Variants in CENPF observed in about 807,000 individuals in gnomAD.
The protein encoded by CENPF is centromere protein F, also known as AH antigen.
CENPF carries 214 observed loss-of-function variants against 307.3 expected under a neutral mutation model. The observed-to-expected ratio is 0.70, with a 90% CI of 0.62 to 0.78. The LOEUF (loss-of-function observed/expected upper bound fraction) is 0.78, where lower values mean the gene tolerates loss of function less well. Ranked by LOEUF, CENPF falls within the 30% of genes least tolerant of loss-of-function variation. CENPF has a pLI of 0.00. For synonymous variants in CENPF, 1,259 were observed against 1,270.6 expected (o/e 0.99, Z 0.19); for missense variants, 3,401 against 3,483.9 (o/e 0.98, Z 0.60).
At chr1:214,627,319 A>G (rs996229997) in intron 7 of CENPF, among the ~76,000 whole-genome samples, 3 of 150,958 alleles carry the variant, frequency 2.0e-5, no homozygotes, top group Admixed American at 2.0e-4. Context: ...TCAGTCTCCC[A>G]AAGTGCTGGG....
At chr1:214,629,208 G>A in intron 8 of CENPF, 37 bp downstream of exon 8, 2 of 1,522,046 alleles carry the variant, frequency 1.3e-6, no homozygotes, top group Non-Finnish European at 1.8e-6. Context: ...TTGTCTGAAA[G>A]GCTTTTTATG....
At position 214,652,234 on chromosome 1, in the gene CENPF, A is replaced by G. The variant is rs563738064; in HGVS notation, c.8160+348A>G. On this transcript the variant is annotated intron_variant, in intron 15 of 19. Transcript: ENST00000366955. ...GTATTTTTAGTAGTGATGGGGTTTC[A>G]CTGTGTTAGCCAGGATGGTCTCGAT... Among the ~76,000 whole-genome samples the G allele has an allele frequency of 7.2e-4, 108 of 150,080 alleles. 3 individuals are homozygous for G. The East Asian group carries it at 0.019, about 26-fold the overall frequency.
chr1:214,646,871 A>G lies in CENPF; in HGVS notation c.7301A>G (p.Glu2434Gly), dbSNP rs1658320440. 3 of 1,613,772 alleles carry G rather than the reference A, an allele frequency of 1.9e-6. No homozygotes were observed. Among genetic ancestry groups the G allele is most frequent in the Non-Finnish European group, 2.5e-6 (3 of 1,179,912 alleles). The change falls in exon 13 of 20, where the codon GAA becomes GGA. Residue 2434 changes from glutamate (E) to glycine (G), a missense_variant. Coordinates refer to ENST00000366955, the MANE Select transcript of CENPF (RefSeq NM_016343.4). ...GAGCAAGAGAAAGTACAGATGAAAG[A>G]AAAATCAAGCACTGCCATGGAGATG... Reference protein sequence around the residue: ...EKEQEKVQMKEKSSTAMEMLQ... With the variant: ...EKEQEKVQMKGKSSTAMEMLQ...
rs1658199495 is a variant in CENPF at position 214,643,663 on chromosome 1, ATAAT to A, written c.4986+343_4986+346del. 2.6e-5 allele frequency among the ~76,000 whole-genome samples: 4 copies of A among 151,930 alleles called. No individual in the cohort carries two copies. The South Asian group carries it at 6.3e-4, about 24-fold the overall frequency. On this transcript the variant is annotated intron_variant, in intron 12 of 19. Coordinates refer to ENST00000366955, the MANE Select transcript of CENPF (RefSeq NM_016343.4). ...TTGTGCATTAATAAAGTATACTGAAATAATTAAGAACTTACAAATGGTAATATGT... is the reference window on the plus strand; with the variant it reads ...TTGTGCATTAATAAAGTATACTGAAATAAGAACTTACAAATGGTAATATGT...
At chr1:214,662,252 TAAA>T (rs1165865286) in intron 19 of CENPF, among the ~76,000 whole-genome samples, 2 of 142,262 alleles carry the variant, frequency 1.4e-5, no homozygotes. Context: ...TATTTCTCTT[TAAA>T]AAAAAAAAAA....
In CENPF at chr1:214,657,296, C is replaced by T; in HGVS notation, c.8849C>T (p.Pro2950Leu). ...GGTAGAGGACCAACACCTGCTACCC[C>T]AGAGAGCTTTTCTAAAAAAAGCAAG... ...ENGRGPTPATPESFSKKSKKA... is the reference protein window; with the variant it reads ...ENGRGPTPATLESFSKKSKKA... Residue 2950 changes from proline to leucine, a missense_variant, in exon 18 of 20, where the codon CCA (proline) becomes CTA (leucine). Pro to Leu is a moderately conservative substitution (Grantham distance 98). Transcript: ENST00000366955. 5.0e-6 allele frequency: 8 copies of T among 1,614,084 alleles called. No homozygotes were observed. The highest frequency in any genetic ancestry group is 5.9e-6 in the Non-Finnish European group (7 of 1,180,008).
chr1:214,651,922 G>C, intron 15 of CENPF, 36 bp downstream of exon 15: 1 of 1,537,302 alleles, frequency 6.5e-7, no homozygotes, highest in Non-Finnish European at 8.7e-7. Flanking sequence ...GGGAGCTGGA[G>C]AGTGTATTTT....
At chr1:214,610,805 T>A (rs1657177245) in intron 1 of CENPF, among the ~76,000 whole-genome samples, 1 of 152,356 alleles carries the variant, frequency 6.6e-6, no homozygotes, top group South Asian at 2.1e-4. Flanking sequence ...TCTGTGGTTT[T>A]TATAGTTTGG....
rs141461799 is a variant in CENPF at position 214,644,378 on chromosome 1, C to T, written c.4987-179C>T. The stretch of plus-strand genomic sequence containing the variant: ...TTGCCCATAGGGGCCACTTACTGAA[C>T]GTATAAGTATGTTGAACATTTGAAT... On this transcript the variant is annotated intron_variant, in intron 12 of 19. Transcript: ENST00000366955. Among the ~76,000 whole-genome samples the T allele has an allele frequency of 5.3e-3, 804 of 152,252 alleles. 7 individuals are homozygous for T. Among genetic ancestry groups the T allele is most frequent in the African/African-American group, 0.017 (704 of 41,556 alleles).
chr1:214,634,812 ATTATATG>A (rs748625036), intron 10 of CENPF, among the ~76,000 whole-genome samples: 2 of 152,188 alleles, frequency 1.3e-5, no homozygotes, highest in Non-Finnish European at 2.9e-5. Context: ...TCTGTGTCTA[ATTATATG>A]TAAGCACTAA....
intron 11 of CENPF, among the ~76,000 whole-genome samples, chr1:214,639,423 A>C (rs1658047290): frequency 6.6e-6 from 1 of 152,116 alleles, no homozygotes; most frequent in South Asian, 2.1e-4. Context: ...ACTCTTTTCT[A>C]CTTAAGTCTA....
chr1:214,620,656 A>C lies in CENPF; in HGVS notation c.575A>C (p.Lys192Thr). Residue 192 changes from lysine to threonine, a missense_variant and splice_region_variant, in exon 6 of 20, where the codon AAA becomes ACA. By Grantham distance (78) the Lys-to-Thr change is moderately conservative. Transcript: ENST00000366955. ...TCTAAAGAGATTCTGTTTCTACAGA[A>C]AGCAAGCCAGACTCTTCCACAAGCC... ...EAEVKALQAK[K>T]ASQTLPQATM... 6.2e-7 allele frequency: 1 copy of C among 1,608,572 alleles called. No homozygotes were observed. The highest frequency in any genetic ancestry group is 8.5e-7 in the Non-Finnish European group (1 of 1,178,198).
intron 1 of CENPF, chr1:214,608,717 C>A: frequency 6.3e-7 from 1 of 1,595,646 alleles, no homozygotes. Context: ...GGCCCCGGCT[C>A]GGGCTCAGTC....
chr1:214,658,889 T>C lies in CENPF; in HGVS notation c.9002T>C (p.Ile3001Thr). 1 of 1,614,094 alleles carries C rather than the reference T, an allele frequency of 6.2e-7. No individual in the cohort carries two copies. Among genetic ancestry groups the C allele is most frequent in the South Asian group, 1.1e-5 (1 of 91,078 alleles). The change falls in exon 19 of 20, where the codon ATC becomes ACC. Residue 3001 changes from isoleucine (I) to threonine (T), a missense_variant. By Grantham distance (89) the Ile-to-Thr change is moderately conservative. Transcript: ENST00000366955. ...DIPTGKTSPYILRRTTMATRT... is the reference protein window; with the variant it reads ...DIPTGKTSPYTLRRTTMATRT... The stretch of plus-strand genomic sequence containing the variant: ...CCGACAGGAAAGACTAGCCCATATA[T>C]CCTGCGAAGAACAACCATGGCAACT...
Position 214,622,293 on chromosome 1 carries a change from T to A in CENPF, c.1068+12T>A. On this transcript the variant is annotated intron_variant, in intron 7 of 19. Transcript: ENST00000366955. ...AGGCGTCAACCAAGGTACTTGACTT[T>A]TCGTGAATTACTGGAGAAATCTTCA... 1 of 1,579,682 alleles carries A rather than the reference T, an allele frequency of 6.3e-7. No homozygotes were observed. The highest frequency in any genetic ancestry group is 8.6e-7 in the Non-Finnish European group (1 of 1,163,288).
At chr1:214,609,202 C>G (rs376329958) in intron 1 of CENPF, among the ~76,000 whole-genome samples, 10 of 152,178 alleles carry the variant, frequency 6.6e-5, no homozygotes, top group Non-Finnish European at 8.8e-5. Flanking sequence ...GCAGCTCCCC[C>G]CGAAGAATCC....
intron 1 of CENPF, among the ~76,000 whole-genome samples, chr1:214,606,301 TGCCGTTCCCTGGC>T (rs1333002931): frequency 1.2e-4 from 15 of 127,976 alleles, no homozygotes; most frequent in African/African-American, 4.1e-4. Context: ...TCCCTGGCGC[TGCCGTTCCCTGGC>T]GTTTCCTAGC....
At position 214,640,224 on chromosome 1, in the gene CENPF, T is replaced by C. The variant is rs928746742; in HGVS notation, c.1886T>C (p.Leu629Pro). The C allele has an allele frequency of 1.2e-6, 2 of 1,607,674 alleles. No homozygotes were observed. The highest frequency in any genetic ancestry group is 1.7e-5 in the Admixed American group (1 of 58,538). The change falls in exon 12 of 20, where the codon CTT becomes CCT. Residue 629 changes from leucine to proline, a missense_variant. By Grantham distance (98) the Leu-to-Pro change is moderately conservative. Transcript: ENST00000366955. Reference sequence around the variant, plus strand: ...TGTTGGAAAAGTGAAAACGAAAAACTTTTAACTCAGATGGAATCAGAAAAG... The same window carrying C: ...TGTTGGAAAAGTGAAAACGAAAAACCTTTAACTCAGATGGAATCAGAAAAG... The part of the protein sequence containing the change: ...FSCWKSENEK[L>P]LTQMESEKEN...
chr1:214,658,964 G>A lies in CENPF; in HGVS notation c.9077G>A (p.Ser3026Asn). ...CAGAAGTTAGCGCTATCCCCACTGA[G>A]TCTCGGCAAAGAAAATCTTGCAGAG... Reference protein sequence around the residue: ...AAQKLALSPLSLGKENLAESS... With the variant: ...AAQKLALSPLNLGKENLAESS... The change falls in exon 19 of 20, where the codon AGT becomes AAT. Residue 3026 changes from serine (S) to asparagine (N), a missense_variant. Coordinates refer to ENST00000366955, the MANE Select transcript of CENPF (RefSeq NM_016343.4). The A allele has an allele frequency of 6.2e-7, 1 of 1,614,108 alleles. No homozygotes were observed. Among genetic ancestry groups the A allele is most frequent in the East Asian group, 2.2e-5 (1 of 44,882 alleles).
Sources: gnomAD v4.1 joint callset for allele counts (sites outside exome capture counted in the v4.1 genomes callset) on GRCh38, gnomAD v4.1.1 for gene constraint, MANE v1.5 for transcripts, NCBI Gene and HGNC (gene_info 2026-07-23, HGNC 2026-07-21) for gene names.